The following DMD variants were observed in gnomAD, a reference collection of about 807,000 sequenced individuals.
The protein encoded by DMD is dystrophin, also known as mutant dystrophin.
DMD carries 63 observed loss-of-function variants against 330.1 expected under a neutral mutation model. That is an observed-to-expected ratio of 0.19 (90% CI 0.16 to 0.24). DMD has a LOEUF of 0.24. Among genes scored for constraint, DMD ranks in the 10% least tolerant of loss-of-function variants. The pLI, the probability that DMD is intolerant of heterozygous loss-of-function variation, is 1.00. For missense variants in DMD, 3,344 were observed against 2,684.1 expected, an observed-to-expected ratio of 1.25 and a Z score of -5.43; for synonymous variants, 1,223 against 959.8, an observed-to-expected ratio of 1.27 and a Z score of -5.07.
Position 32,346,088 on chromosome X carries a change from A to G in DMD, c.5449-8T>C, listed in dbSNP as rs2147033589. 4.1e-6 allele frequency: 5 copies of G among 1,209,167 alleles called. No individual in the cohort carries two copies. Among genetic ancestry groups the G allele is most frequent in the Admixed American group, 2.2e-5 (1 of 45,837 alleles). ...ACCCTCATTGTCTTCATTCTGATCAAAAACAACAAGTACAGTCTTCATTTT... is the reference window on the plus strand; with the variant it reads ...ACCCTCATTGTCTTCATTCTGATCAGAAACAACAAGTACAGTCTTCATTTT... On this transcript the variant is annotated splice_region_variant and splice_polypyrimidine_tract_variant and intron_variant, in intron 38 of 78. Coordinates refer to ENST00000357033, the MANE Select transcript of DMD (RefSeq NM_004006.3).
Position 31,478,972 on chromosome X carries a change from C to T in DMD, c.8668+11G>A. Reference sequence around the variant, plus strand: ...CTATCAATATGTTATTATAGTTCCACATTCAATTACCTCTGGGCTCCTGGT... The same window carrying T: ...CTATCAATATGTTATTATAGTTCCATATTCAATTACCTCTGGGCTCCTGGT... On this transcript the variant is annotated intron_variant, in intron 58 of 78. Coordinates refer to ENST00000357033, the MANE Select transcript of DMD (RefSeq NM_004006.3). 21 of 1,209,445 alleles carry T rather than the reference C, an allele frequency of 1.7e-5. No individual in the cohort carries two copies. The highest frequency in any genetic ancestry group is 2.3e-5 in the Non-Finnish European group (21 of 893,757).
chrX:32,038,866 G>A (rs994991882), intron 44 of DMD, among the ~76,000 whole-genome samples: 3 of 111,473 alleles, frequency 2.7e-5, no homozygotes. Flanking sequence ...GGTAGTCTCT[G>A]CTCTCAAAGG....
chrX:32,173,507 G>C (rs1371969182), intron 44 of DMD, among the ~76,000 whole-genome samples: 1 of 109,494 alleles, frequency 9.1e-6, no homozygotes, highest in East Asian at 2.9e-4. Context: ...CGAGTAGCTG[G>C]GATTACAGGC....
intron 43 of DMD, among the ~76,000 whole-genome samples, chrX:32,254,190 C>A (rs1167689568): frequency 9.0e-6 from 1 of 111,072 alleles, no homozygotes; most frequent in Admixed American, 9.6e-5. Context: ...TACAAGCATG[C>A]GCCAACACGC....
At chrX:31,857,093 T>C (rs1476484774) in intron 48 of DMD, among the ~76,000 whole-genome samples, 1 of 111,238 alleles carries the variant, frequency 9.0e-6, no homozygotes, top group East Asian at 2.8e-4. Context: ...AGAATACCAA[T>C]CTTGGCCAGG....
chrX:32,003,300 A>C (rs1009055501), intron 44 of DMD, among the ~76,000 whole-genome samples: 2 of 112,044 alleles, frequency 1.8e-5, no homozygotes, highest in African/African-American at 3.2e-5. Flanking sequence ...CAAAGTTTTT[A>C]AGCAATTTTA....
intron 55 of DMD, among the ~76,000 whole-genome samples, chrX:31,538,199 G>T (rs1445219046): frequency 4.5e-5 from 5 of 112,134 alleles, no homozygotes; most frequent in African/African-American, 1.6e-4. Flanking sequence ...CTTCCCTTGG[G>T]GATGCTGAAT....
At chrX:31,355,752 C>T (rs982630626) in intron 60 of DMD, among the ~76,000 whole-genome samples, 4 of 110,412 alleles carry the variant, frequency 3.6e-5, no homozygotes, top group African/African-American at 9.9e-5. Flanking sequence ...ATCCGGGAAA[C>T]GCTCCTGAGA....
At chrX:31,798,484 G>A (rs1191501986) in intron 50 of DMD, among the ~76,000 whole-genome samples, 2 of 109,480 alleles carry the variant, frequency 1.8e-5, no homozygotes, top group Non-Finnish European at 1.9e-5. Flanking sequence ...GCAAACACAG[G>A]GGAAATAAAG....
At chrX:31,423,455 T>C (rs1213934132) in intron 60 of DMD, among the ~76,000 whole-genome samples, 1 of 111,926 alleles carries the variant, frequency 8.9e-6, no homozygotes, top group African/African-American at 3.2e-5. Flanking sequence ...GATGTGATTA[T>C]AAGAAACAAA....
At chrX:32,982,670 C>G (rs894301288) in intron 2 of DMD, among the ~76,000 whole-genome samples, 3 of 111,527 alleles carry the variant, frequency 2.7e-5, no homozygotes, top group Non-Finnish European at 5.6e-5. Context: ...AGTTGAGTGA[C>G]TTACATCTTT....
intron 49 of DMD, among the ~76,000 whole-genome samples, chrX:31,834,611 C>T (rs771647985): frequency 1.8e-5 from 2 of 111,034 alleles, no homozygotes; most frequent in Non-Finnish European, 3.8e-5. Flanking sequence ...GGCTCATTTT[C>T]ATATTTTTAG....
chrX:31,667,513 G>A (rs1052723929), intron 53 of DMD, among the ~76,000 whole-genome samples: 3 of 110,308 alleles, frequency 2.7e-5, no homozygotes, highest in African/African-American at 9.9e-5. Context: ...GGGAAGGGTA[G>A]TGGTAGGGGG....
chrX:33,238,830 A>G (rs2052532401), intron 1 of DMD, among the ~76,000 whole-genome samples: 1 of 111,414 alleles, frequency 9.0e-6, no homozygotes, highest in South Asian at 3.8e-4. Context: ...TAGGACACCA[A>G]TAACCCAAAT....
chrX:32,697,618 G>C (rs953298644), intron 9 of DMD, among the ~76,000 whole-genome samples: 27 of 111,332 alleles, frequency 2.4e-4, no homozygotes, highest in African/African-American at 8.2e-4. Flanking sequence ...GAGAACCTTA[G>C]AGGTTATTAC....
At position 32,472,307 on chromosome X, in the gene DMD, A is replaced by T; in HGVS notation, c.2806T>A (p.Phe936Ile). 8.3e-7 allele frequency: 1 copy of T among 1,210,252 alleles called. No homozygotes were observed. Among genetic ancestry groups the T allele is most frequent in the Non-Finnish European group, 1.1e-6 (1 of 894,447 alleles). ...TAGCGCATTGGTGGCAAAGTGTCAAAAACTTTATCAAAAGGGAAAAAAGAA... is the reference window on the plus strand; with the variant it reads ...TAGCGCATTGGTGGCAAAGTGTCAATAACTTTATCAAAAGGGAAAAAAGAA... ...QAREKELQTI[F>I]DTLPPMRYQE... The change falls in exon 22 of 79, where the codon TTT (phenylalanine) becomes ATT (isoleucine). Residue 936 changes from phenylalanine (F) to isoleucine (I), a missense_variant and splice_region_variant. Phe to Ile is a conservative substitution (Grantham distance 21). Transcript: ENST00000357033.
intron 60 of DMD, among the ~76,000 whole-genome samples, chrX:31,414,189 G>A (rs1044204572): frequency 9.1e-6 from 1 of 109,533 alleles, no homozygotes; most frequent in African/African-American, 3.3e-5. Flanking sequence ...AGTTTTTTTT[G>A]TATTCAGTAG....
chrX:31,743,575 C>A (rs988695696), intron 51 of DMD, among the ~76,000 whole-genome samples: 6 of 111,929 alleles, frequency 5.4e-5, no homozygotes, highest in African/African-American at 1.9e-4. Context: ...GGCCATTATT[C>A]TAAGTGAATT....
At chrX:33,075,013 A>G (rs1271214250) in intron 1 of DMD, among the ~76,000 whole-genome samples, 1 of 111,822 alleles carries the variant, frequency 8.9e-6, no homozygotes, top group African/African-American at 3.3e-5. Flanking sequence ...AGGATAGGGG[A>G]AACTAAATTC....
Sources: gnomAD v4.1 joint callset for allele counts (sites outside exome capture counted in the v4.1 genomes callset) on GRCh38, gnomAD v4.1.1 for gene constraint, MANE v1.5 for transcripts, NCBI Gene and HGNC (gene_info 2026-07-23, HGNC 2026-07-21) for gene names.